Variants in UGT1A10 observed in about 807,000 individuals in gnomAD.
The protein encoded by UGT1A10 is UDP-glucuronosyltransferase 1A10.
Under a neutral mutation model 45.8 loss-of-function variants are expected in UGT1A10, and 49 were observed. The ratio of observed to expected loss-of-function variants is 1.07; its 90% CI spans 0.85 to 1.36. The LOEUF (loss-of-function observed/expected upper bound fraction) is 1.36, where lower values mean the gene tolerates loss of function less well. Among genes scored for constraint, UGT1A10 ranks in the 40% most tolerant of loss-of-function variants. The pLI is 0.00. For missense variants in UGT1A10, 745 were observed against 668.6 expected (o/e 1.11, Z -1.26); for synonymous variants, 284 against 249.7 (o/e 1.14, Z -1.29).
chr2:233,682,067 G>A, intron 1 of UGT1A10: 2 of 1,614,120 alleles, frequency 1.2e-6, no homozygotes, highest in Non-Finnish European at 1.7e-6. Flanking sequence ...CATGCAGTCG[G>A]TGGTGGAGAA....
chr2:233,663,142 C>A (rs923621380), intron 1 of UGT1A10, among the ~76,000 whole-genome samples: 10 of 152,136 alleles, frequency 6.6e-5, no homozygotes, highest in African/African-American at 2.4e-4. Flanking sequence ...TGCCCATTCC[C>A]CTCTCCTCCA....
In UGT1A10 at chr2:233,672,100, G is replaced by T. The variant is rs919094064; in HGVS notation, c.855+34723G>T. The T allele has an allele frequency of 3.7e-6, 6 of 1,614,072 alleles. No homozygotes were observed. In the African/African-American group the frequency reaches 5.3e-5, roughly 14 times the overall value. On this transcript the variant is annotated intron_variant, in intron 1 of 4. Transcript: ENST00000344644. ...ACTCATTCTCAGGGGGCATGAGGTG[G>T]TTGTAGTCATGCCAGAGGTGAGTTG... is the stretch of plus-strand genomic sequence containing the variant.
At chr2:233,671,095 CT>C (rs2074178067) in intron 1 of UGT1A10, among the ~76,000 whole-genome samples, 1 of 152,184 alleles carries the variant, frequency 6.6e-6, no homozygotes, top group Non-Finnish European at 1.5e-5. Flanking sequence ...GACATCACCT[CT>C]GACCTCAAGG....
intron 1 of UGT1A10, chr2:233,713,824 G>A (rs2076349640): frequency 1.2e-5 from 19 of 1,614,054 alleles, no homozygotes; most frequent in Non-Finnish European, 1.5e-5. Flanking sequence ...TTCATTGGGG[G>A]CATCAACTGT....
At chr2:233,730,195 G>T (rs1056966798) in intron 1 of UGT1A10, among the ~76,000 whole-genome samples, 6 of 152,186 alleles carry the variant, frequency 3.9e-5, no homozygotes, top group Admixed American at 6.5e-5. Context: ...TCACTGAGAG[G>T]AAGAGGAAGT....
At chr2:233,641,032 A>G (rs1323564656) in intron 1 of UGT1A10, among the ~76,000 whole-genome samples, 2 of 152,182 alleles carry the variant, frequency 1.3e-5, no homozygotes, top group Non-Finnish European at 2.9e-5. Flanking sequence ...CTCAGCTGAT[A>G]GAAAAATGCA....
At chr2:233,708,451 T>G (rs1007401152) in intron 1 of UGT1A10, 1 of 152,222 alleles carries the variant, frequency 6.6e-6, no homozygotes, top group African/African-American at 2.4e-5. Context: ...CTTCTGCATT[T>G]AATAGAATTG....
rs558109660 is a variant in UGT1A10, at chr2:233,768,353, TA to T, written c.1211del (p.Lys404ArgfsTer5). The T allele has an allele frequency of 4.0e-5, 64 of 1,614,032 alleles. No individual in the cohort carries two copies. Among genetic ancestry groups the T allele is most frequent in the Non-Finnish European group, 5.4e-5 (64 of 1,180,040 alleles). ...TGGACAATGCAAAGCGCATGGAGAC[TA>T]AGGGAGCTGGAGTGACCCTGAATGT... ...QMDNAKRMET[K>X]GAGVTLNVLE... is the part of the protein sequence containing the mutation. On this transcript the variant is annotated frameshift_variant, in exon 4 of 5. Coordinates refer to ENST00000344644, the MANE Select transcript of UGT1A10 (RefSeq NM_019075.4). LOFTEE classifies it high-confidence loss of function.
chr2:233,725,380 C>A (rs2077441850), intron 1 of UGT1A10, among the ~76,000 whole-genome samples: 1 of 149,278 alleles, frequency 6.7e-6, no homozygotes, highest in East Asian at 1.9e-4. Context: ...TTAAAAAATT[C>A]TTAATAGGTT....
chr2:233,693,118 C>G, intron 1 of UGT1A10: 1 of 1,614,176 alleles, frequency 6.2e-7, no homozygotes, highest in Non-Finnish European at 8.5e-7. Context: ...ACGGAAGCCA[C>G]TGGCTTAGTA....
At chr2:233,669,230 T>G (rs573367876) in intron 1 of UGT1A10, among the ~76,000 whole-genome samples, 1 of 151,112 alleles carries the variant, frequency 6.6e-6, no homozygotes, top group African/African-American at 2.4e-5. Flanking sequence ...TAATAAGTCT[T>G]GAAATTAGGT....
At chr2:233,726,933 A>AT (rs1312634062) in intron 1 of UGT1A10, among the ~76,000 whole-genome samples, 1 of 151,726 alleles carries the variant, frequency 6.6e-6, no homozygotes, top group Non-Finnish European at 1.5e-5. Flanking sequence ...TCCTTTTTTC[A>AT]TTTTTAAAAA....
At chr2:233,767,602 A>G (rs1699426979) in intron 2 of UGT1A10, among the ~76,000 whole-genome samples, 1 of 152,192 alleles carries the variant, frequency 6.6e-6, no homozygotes, top group Non-Finnish European at 1.5e-5. Flanking sequence ...AGGAAAGTGA[A>G]AAAATCCTAA....
intron 1 of UGT1A10, among the ~76,000 whole-genome samples, chr2:233,688,342 C>G (rs10168333): frequency 6.6e-6 from 1 of 151,982 alleles, no homozygotes; most frequent in Non-Finnish European, 1.5e-5. Flanking sequence ...TTCCCATTTT[C>G]AGCCATGAAA....
chr2:233,729,038 G>T (rs2077778879), intron 1 of UGT1A10: 2 of 1,604,346 alleles, frequency 1.2e-6, no homozygotes, highest in South Asian at 2.2e-5. Flanking sequence ...TTGCTAAGTG[G>T]CTCAGTGACA....
intron 1 of UGT1A10, among the ~76,000 whole-genome samples, chr2:233,701,124 G>A (rs2075611315): frequency 6.6e-6 from 1 of 152,078 alleles, no homozygotes; most frequent in African/African-American, 2.4e-5. Flanking sequence ...TATCATTGAG[G>A]GACATTTAGG....
chr2:233,751,147 C>A (rs1013062479), intron 1 of UGT1A10, among the ~76,000 whole-genome samples: 1 of 151,976 alleles, frequency 6.6e-6, no homozygotes, highest in African/African-American at 2.4e-5. Context: ...TGGGAGCCCA[C>A]TTCTGGCATC....
At chr2:233,671,877 C>G in intron 1 of UGT1A10, 5 of 1,532,794 alleles carry the variant, frequency 3.3e-6, no homozygotes, top group Non-Finnish European at 4.4e-6. Context: ...ATTTCTCCCA[C>G]CTACTGTATC....
chr2:233,712,763 G>T (rs2125629904), intron 1 of UGT1A10, among the ~76,000 whole-genome samples: 1 of 152,292 alleles, frequency 6.6e-6, no homozygotes, highest in Non-Finnish European at 1.5e-5. Flanking sequence ...GCGAGCGCAA[G>T]GTCAGATGAG....
Sources: gnomAD v4.1 joint callset for allele counts (sites outside exome capture counted in the v4.1 genomes callset) on GRCh38, gnomAD v4.1.1 for gene constraint, MANE v1.5 for transcripts, NCBI Gene and HGNC (gene_info 2026-07-23, HGNC 2026-07-21) for gene names.